The following PRRC1 variants were observed in gnomAD, a reference collection of about 807,000 sequenced individuals.
PRRC1 encodes protein PRRC1.
PRRC1 carries 39 observed loss-of-function variants against 40.7 expected under a neutral mutation model. The ratio of observed to expected loss-of-function variants is 0.96; its 90% CI spans 0.74 to 1.25. The LOEUF is 1.25. Among genes scored for constraint, PRRC1 ranks in the 50% most tolerant of loss-of-function variants. PRRC1 has a pLI of 0.00. For missense variants in PRRC1, 573 were observed against 548.3 expected (o/e 1.05, Z -0.45); for synonymous variants, 175 against 193.3 (o/e 0.91, Z 0.79).
rs1268819647 is a variant in PRRC1, at chr5:127,531,617, C to CTTCTTTTTTTTTTTTTTTT, written c.757+1223_757+1224insCTTTTTTTTTTTTTTTTTT. 3.4e-4 allele frequency among the ~76,000 whole-genome samples: 34 copies of CTTCTTTTTTTTTTTTTTTT among 99,644 alleles called. 2 individuals carry two copies. Among genetic ancestry groups the CTTCTTTTTTTTTTTTTTTT allele is most frequent in the African/African-American group, 1.5e-3 (32 of 21,562 alleles). The allele number at this position is 99,644 out of a possible 152,430, so 65.4% of individuals were successfully genotyped here. On this transcript the variant is annotated intron_variant, in intron 5 of 8. Coordinates refer to ENST00000296666, the MANE Select transcript of PRRC1 (RefSeq NM_130809.5). ...GCCAGGTGTTTTTATTCTTCTTCTT[C>CTTCTTTTTTTTTTTTTTTT]TTTTTTTTTTTTTTTTTTTTTTTGA...
intron 7 of PRRC1, among the ~76,000 whole-genome samples, chr5:127,541,401 G>A (rs1768041598): frequency 6.6e-6 from 1 of 152,080 alleles, no homozygotes; most frequent in Non-Finnish European, 1.5e-5. Context: ...AATGAGTTAG[G>A]GAGGATTCCC....
At chr5:127,529,494 G>A (rs981504738) in intron 4 of PRRC1, among the ~76,000 whole-genome samples, 13 of 152,128 alleles carry the variant, frequency 8.5e-5, no homozygotes, top group African/African-American at 3.1e-4. Flanking sequence ...TCAGCATATG[G>A]TTGGTTGGCA....
chr5:127,529,577 G>A (rs1282596855), intron 4 of PRRC1, among the ~76,000 whole-genome samples: 1 of 152,118 alleles, frequency 6.6e-6, no homozygotes, highest in African/African-American at 2.4e-5. Flanking sequence ...GGAAGATGGG[G>A]AATCATGGCA....
intron 1 of PRRC1, among the ~76,000 whole-genome samples, chr5:127,518,557 T>G (rs2127085215): frequency 6.6e-6 from 1 of 152,336 alleles, no homozygotes; most frequent in African/African-American, 2.4e-5. Context: ...TTTAATTCAG[T>G]GAAAATTTAT....
At chr5:127,548,540 T>G (rs887145982) in intron 8 of PRRC1, 1 of 152,038 alleles carries the variant, frequency 6.6e-6, no homozygotes, top group African/African-American at 2.4e-5. Flanking sequence ...GGAATCTCTG[T>G]GCTCTTAAGT....
At chr5:127,541,335 C>CT (rs1452330889) in intron 7 of PRRC1, among the ~76,000 whole-genome samples, 5 of 152,066 alleles carry the variant, frequency 3.3e-5, no homozygotes, top group South Asian at 2.1e-4. Context: ...CTAAAATTCT[C>CT]TTTTTTTGTT....
chr5:127,553,488 C>A lies in PRRC1; in HGVS notation c.*1572C>A. The A allele has an allele frequency of 1.8e-6, 2 of 1,138,846 alleles. No individual in the cohort carries two copies. Among genetic ancestry groups the A allele is most frequent in the Non-Finnish European group, 2.2e-6 (2 of 923,018 alleles). The allele number at this position is 1,138,846 out of a possible 1,614,324, so 70.5% of individuals were successfully genotyped here. On this transcript the variant is annotated 3_prime_UTR_variant, in exon 9 of 9. Transcript: ENST00000296666. ...GTAACAGGGACAGAATACTTTCTTT[C>A]TTTCCTTCAAGTACAAGAAGGCTTT...
intron 3 of PRRC1, 31 bp from the exon 4 acceptor site, chr5:127,526,583 AAATT>A: frequency 1.9e-6 from 3 of 1,557,496 alleles, no homozygotes; most frequent in Non-Finnish European, 2.6e-6. Context: ...TTTATGGAAT[AAATT>A]ATACATATGA....
Position 127,553,271 on chromosome 5 carries a change from C to T in PRRC1, c.*1355C>T. 1 of 987,196 alleles carries T rather than the reference C, an allele frequency of 1.0e-6. No individual in the cohort carries two copies. Among genetic ancestry groups the T allele is most frequent in the South Asian group, 4.7e-5 (1 of 21,380 alleles). The allele number at this position is 987,196 out of a possible 1,614,324, so 61.2% of individuals were successfully genotyped here. A position where few individuals can be genotyped will look rare whatever the true frequency, so the allele number is the denominator to read the frequency against. ...GCTTTGTGTTAATGCCACTTCAAGT[C>T]ATTATTTGGTTTCTGCTATTTTTTT... On this transcript the variant is annotated 3_prime_UTR_variant, in exon 9 of 9. Transcript: ENST00000296666.
At chr5:127,525,425 CA>C (rs1192596000) in intron 3 of PRRC1, among the ~76,000 whole-genome samples, 7 of 152,224 alleles carry the variant, frequency 4.6e-5, no homozygotes, top group African/African-American at 1.4e-4. Context: ...TTCAATTAAT[CA>C]GTTAATGTTG....
chr5:127,535,542 G>A (rs1299699094), intron 6 of PRRC1, among the ~76,000 whole-genome samples: 2 of 152,108 alleles, frequency 1.3e-5, no homozygotes, highest in Non-Finnish European at 2.9e-5. Flanking sequence ...GTGCATGTCC[G>A]ATTTTGAGAT....
At position 127,539,068 on chromosome 5, in the gene PRRC1, G is replaced by A. The variant is rs755639075; in HGVS notation, c.950G>A (p.Arg317His). 1.9e-5 allele frequency: 30 copies of A among 1,612,836 alleles called. No individual in the cohort carries two copies. The highest frequency in any genetic ancestry group is 3.3e-4 in the Middle Eastern group (2 of 6,056). ...GCTCAGGAACGGATAGATAGCTTGCGTCGAACTGGGGTGATCCATGAAAAA... is the reference window on the plus strand; with the variant it reads ...GCTCAGGAACGGATAGATAGCTTGCATCGAACTGGGGTGATCCATGAAAAA... ...KGAQERIDSL[R>H]RTGVIHEKQT... Residue 317 changes from arginine (R) to histidine (H), a missense_variant, in exon 7 of 9, where the codon CGT (arginine) becomes CAT (histidine). Transcript: ENST00000296666.
intron 7 of PRRC1, among the ~76,000 whole-genome samples, chr5:127,541,234 A>G (rs1233429839): frequency 6.6e-6 from 1 of 152,236 alleles, no homozygotes; most frequent in African/African-American, 2.4e-5. Flanking sequence ...CCACTTGATC[A>G]TGGTGGATAA....
intron 1 of PRRC1, among the ~76,000 whole-genome samples, chr5:127,518,774 A>G (rs183694854): frequency 3.2e-3 from 484 of 151,732 alleles, no homozygotes; most frequent in Non-Finnish European, 4.9e-3. Flanking sequence ...GCACAAGCAA[A>G]TTGGAACAAC....
intron 7 of PRRC1, among the ~76,000 whole-genome samples, chr5:127,547,444 C>A (rs1345029653): frequency 1.3e-5 from 2 of 151,802 alleles, no homozygotes; most frequent in Non-Finnish European, 2.9e-5. Flanking sequence ...ATAAAATTTC[C>A]CATATTTTAG....
In PRRC1 at chr5:127,551,690, AT is replaced by A; in HGVS notation, c.1129-14del. 1 of 1,612,662 alleles carries A rather than the reference AT, an allele frequency of 6.2e-7. No homozygotes were observed. The highest frequency in any genetic ancestry group is 2.2e-5 in the East Asian group (1 of 44,878). On this transcript the variant is annotated splice_polypyrimidine_tract_variant and intron_variant, in intron 8 of 8. Transcript: ENST00000296666. Reference sequence around the variant, plus strand: ...TTTAAATGTATTATAAGTAATATCAATTTCATCTTTCCACAGGCTCAAAGTC... The same window carrying A: ...TTTAAATGTATTATAAGTAATATCAATTCATCTTTCCACAGGCTCAAAGTC...
chr5:127,518,597 C>A (rs1263249975), intron 1 of PRRC1, among the ~76,000 whole-genome samples: 2 of 152,162 alleles, frequency 1.3e-5, no homozygotes, highest in Non-Finnish European at 2.9e-5. Context: ...AGATTAGGCT[C>A]TAACTAGCGC....
Position 127,552,824 on chromosome 5 carries a change from T to C in PRRC1, c.*908T>C. 7 of 985,412 alleles carry C rather than the reference T, an allele frequency of 7.1e-6. No individual in the cohort carries two copies. The highest frequency in any genetic ancestry group is 8.4e-6 in the Non-Finnish European group (7 of 829,532). 61.0% of individuals were successfully genotyped at this position (985,412 alleles called of 1,614,324 possible). The stretch of plus-strand genomic sequence containing the variant: ...TATTGCTTGTGGGTTAGTATGTCTC[T>C]TACTTCAATTAAGGTTACTTATTTG... On this transcript the variant is annotated 3_prime_UTR_variant, in exon 9 of 9. Coordinates refer to ENST00000296666, the MANE Select transcript of PRRC1 (RefSeq NM_130809.5).
chr5:127,548,149 G>T, intron 8 of PRRC1: 10 of 551,110 alleles, frequency 1.8e-5, no homozygotes, highest in Non-Finnish European at 2.9e-5. Context: ...TACATTACAT[G>T]GTTAATCATT....
Sources: allele counts gnomAD v4.1 joint callset (sites outside exome capture counted in the v4.1 genomes callset), GRCh38; gene constraint gnomAD v4.1.1; transcripts MANE v1.5; gene names NCBI Gene and HGNC (gene_info 2026-07-23, HGNC 2026-07-21).